The following PHF20 variants were observed in gnomAD, a reference collection of about 807,000 sequenced individuals.
PHF20 encodes PHD finger protein 20, also known as glioma-expressed antigen 2.
In PHF20, 23 loss-of-function variants were observed where a neutral mutation model predicts 113.5. The observed-to-expected ratio is 0.20, with a 90% CI of 0.15 to 0.29. The LOEUF is 0.29. Among genes scored for constraint, PHF20 ranks in the 10% least tolerant of loss-of-function variants. The pLI is 1.00. For missense variants in PHF20, 943 were observed against 1,219.6 expected, an observed-to-expected ratio of 0.77 and a Z score of 3.38; for synonymous variants, 434 against 457.3, an observed-to-expected ratio of 0.95 and a Z score of 0.65.
intron 9 of PHF20, among the ~76,000 whole-genome samples, chr20:35,878,921 T>G (rs530102407): frequency 1.1e-3 from 166 of 152,328 alleles, no homozygotes; most frequent in African/African-American, 3.8e-3. Context: ...TAGTGACTAG[T>G]TTACTAACTA....
At chr20:35,864,988 C>T (rs1270963580) in intron 6 of PHF20, among the ~76,000 whole-genome samples, 2 of 151,942 alleles carry the variant, frequency 1.3e-5, no homozygotes, top group African/African-American at 4.8e-5. Flanking sequence ...GAGTTTGAGA[C>T]CAGCCTGGCC....
intron 2 of PHF20, among the ~76,000 whole-genome samples, chr20:35,810,192 A>G (rs778582292): frequency 6.6e-5 from 10 of 152,124 alleles, no homozygotes; most frequent in Non-Finnish European, 1.3e-4. Context: ...CGCCTCCCAA[A>G]GTGCTGGGAT....
At chr20:35,930,850 G>C (rs1054393271) in intron 14 of PHF20, among the ~76,000 whole-genome samples, 2 of 152,158 alleles carry the variant, frequency 1.3e-5, no homozygotes, top group African/African-American at 4.8e-5. Flanking sequence ...TGGAGGGGAA[G>C]ACAGGAAGGA....
At chr20:35,783,193 G>C (rs2041336433) in intron 1 of PHF20, among the ~76,000 whole-genome samples, 1 of 152,068 alleles carries the variant, frequency 6.6e-6, no homozygotes, top group Non-Finnish European at 1.5e-5. Flanking sequence ...GTGAGAGCCT[G>C]TGTTTAAAAA....
chr20:35,912,083 C>T (rs773699292), intron 10 of PHF20, among the ~76,000 whole-genome samples: 4 of 151,726 alleles, frequency 2.6e-5, no homozygotes, highest in Admixed American at 6.6e-5. Flanking sequence ...CGTGTTCAAG[C>T]GATTCTCCTG....
At chr20:35,874,352 G>GA (rs2054479698) in intron 9 of PHF20, among the ~76,000 whole-genome samples, 1 of 152,226 alleles carries the variant, frequency 6.6e-6, no homozygotes, top group Non-Finnish European at 1.5e-5. Context: ...AAGGCAAAAA[G>GA]CGACAGTCAT....
At chr20:35,939,633 T>C (rs1020237525) in intron 16 of PHF20, among the ~76,000 whole-genome samples, 1 of 152,220 alleles carries the variant, frequency 6.6e-6, no homozygotes, top group African/African-American at 2.4e-5. Context: ...TTTTGGTTTT[T>C]TGTTATTCAA....
At chr20:35,786,553 T>C (rs1470947319) in intron 1 of PHF20, among the ~76,000 whole-genome samples, 1 of 151,228 alleles carries the variant, frequency 6.6e-6, no homozygotes, top group Non-Finnish European at 1.5e-5. Flanking sequence ...ATACAAAAAA[T>C]TAGCCCAGTT....
At chr20:35,890,778 G>A (rs1353866689) in intron 9 of PHF20, among the ~76,000 whole-genome samples, 5 of 152,306 alleles carry the variant, frequency 3.3e-5, no homozygotes, top group African/African-American at 9.6e-5. Context: ...AGCTACTCGG[G>A]AGGCTGAGGT....
chr20:35,884,419 A>G (rs922574444), intron 9 of PHF20, among the ~76,000 whole-genome samples: 1 of 152,158 alleles, frequency 6.6e-6, no homozygotes, highest in Non-Finnish European at 1.5e-5. Context: ...TAACTCTGGC[A>G]TTTGGGGCAG....
At chr20:35,941,322 C>G (rs921132503) in intron 17 of PHF20, among the ~76,000 whole-genome samples, 1 of 152,168 alleles carries the variant, frequency 6.6e-6, no homozygotes, top group Admixed American at 6.5e-5. Context: ...AACTGGCAGT[C>G]CTGCTTGCAG....
intron 1 of PHF20, among the ~76,000 whole-genome samples, chr20:35,791,311 T>C (rs1361603677): frequency 6.6e-6 from 1 of 151,938 alleles, no homozygotes; most frequent in Non-Finnish European, 1.5e-5. Context: ...CCTTGGTATT[T>C]GGGAAACTTA....
chr20:35,907,084 C>T (rs2055213822), intron 10 of PHF20, among the ~76,000 whole-genome samples: 1 of 152,206 alleles, frequency 6.6e-6, no homozygotes, highest in Non-Finnish European at 1.5e-5. Context: ...TCAGAACATG[C>T]TCTGGTCAGT....
At chr20:35,821,939 T>C (rs145178064) in intron 2 of PHF20, among the ~76,000 whole-genome samples, 66 of 152,272 alleles carry the variant, frequency 4.3e-4, no homozygotes, top group Non-Finnish European at 8.7e-4. Flanking sequence ...TACCACATGC[T>C]GAAATGGGGT....
At chr20:35,909,265 A>C (rs2055253878) in intron 10 of PHF20, among the ~76,000 whole-genome samples, 1 of 43,538 alleles carries the variant, frequency 2.3e-5, no homozygotes, top group African/African-American at 9.4e-5. Flanking sequence ...TGTGACTTTC[A>C]GTGGCAAAAA....
intron 10 of PHF20, among the ~76,000 whole-genome samples, chr20:35,903,836 T>C (rs1278181601): frequency 6.6e-6 from 1 of 152,158 alleles, no homozygotes; most frequent in Non-Finnish European, 1.5e-5. Flanking sequence ...AACATAGTAG[T>C]GTATGCTGAA....
At chr20:35,807,735 A>T (rs539481972) in intron 2 of PHF20, among the ~76,000 whole-genome samples, 43 of 152,330 alleles carry the variant, frequency 2.8e-4, no homozygotes, top group Middle Eastern at 3.4e-3. Context: ...TGTGGATTTT[A>T]TATAGTTTGA....
chr20:35,835,600 CTT>C (rs1428964293), intron 2 of PHF20, among the ~76,000 whole-genome samples: 1 of 152,130 alleles, frequency 6.6e-6, no homozygotes, highest in African/African-American at 2.4e-5. Context: ...GTAATGATAA[CTT>C]AAATTTAAGA....
At chr20:35,791,289 A>G (rs1480958745) in intron 1 of PHF20, among the ~76,000 whole-genome samples, 2 of 152,044 alleles carry the variant, frequency 1.3e-5, no homozygotes, top group African/African-American at 2.4e-5. Flanking sequence ...CCTTGTCCCA[A>G]TACCTGACTA....
Sources: gnomAD v4.1 joint callset for allele counts (sites outside exome capture counted in the v4.1 genomes callset) on GRCh38, gnomAD v4.1.1 for gene constraint, MANE v1.5 for transcripts, NCBI Gene and HGNC (gene_info 2026-07-23, HGNC 2026-07-21) for gene names.